The following MARCHF1 variants were observed in gnomAD, a reference collection of about 807,000 sequenced individuals.
MARCHF1 encodes E3 ubiquitin-protein ligase MARCHF1.
Under a neutral mutation model 54.2 loss-of-function variants are expected in MARCHF1, and 40 were observed. The ratio of observed to expected loss-of-function variants is 0.74; its 90% CI spans 0.57 to 0.96. MARCHF1 has a LOEUF of 0.96. Among genes scored for constraint, MARCHF1 ranks in the 40% least tolerant of loss-of-function variants. The probability of loss-of-function intolerance (pLI) is 0.00; values close to 1 mark genes in which losing one functional copy is unlikely to be tolerated. For missense variants in MARCHF1, 586 were observed against 656.5 expected (o/e 0.89, Z 1.17); for synonymous variants, 236 against 236.3 (o/e 1.00, Z 0.01).
intron 4 of MARCHF1, among the ~76,000 whole-genome samples, chr4:163,715,104 G>A (rs114178158): frequency 0.011 from 1,628 of 152,246 alleles, 25 homozygotes; most frequent in African/African-American, 0.037. Context: ...AATGGATTTT[G>A]GTCATAGTAT....
intron 4 of MARCHF1, among the ~76,000 whole-genome samples, chr4:163,793,920 C>A (rs940839813): frequency 1.3e-5 from 2 of 152,186 alleles, no homozygotes; most frequent in Non-Finnish European, 2.9e-5. Flanking sequence ...AGACGTGAGT[C>A]TTGCCGAAGC....
At chr4:163,647,072 T>G (rs115845368) in intron 5 of MARCHF1, among the ~76,000 whole-genome samples, 2,523 of 152,156 alleles carry the variant, frequency 0.017, 78 homozygotes, top group African/African-American at 0.053. Context: ...GGAAAAGATA[T>G]TCCATGCAAA....
At chr4:164,011,921 G>T (rs1035409481) in intron 2 of MARCHF1, among the ~76,000 whole-genome samples, 2 of 152,116 alleles carry the variant, frequency 1.3e-5, no homozygotes. Flanking sequence ...GGAGAGCAAA[G>T]TGAGTGTGGA....
At chr4:163,981,447 C>A (rs928498800) in intron 3 of MARCHF1, among the ~76,000 whole-genome samples, 1 of 152,190 alleles carries the variant, frequency 6.6e-6, no homozygotes, top group Non-Finnish European at 1.5e-5. Flanking sequence ...ATCCTATCAC[C>A]AGTTCTACCC....
At chr4:164,131,204 C>T (rs1207812613) in intron 1 of MARCHF1, among the ~76,000 whole-genome samples, 2 of 152,066 alleles carry the variant, frequency 1.3e-5, no homozygotes, top group African/African-American at 4.8e-5. Context: ...GAGAGATGAA[C>T]TCAACTGGGA....
intron 3 of MARCHF1, chr4:163,932,434 TAA>T: frequency 2.6e-6 from 1 of 387,870 alleles, no homozygotes; most frequent in Non-Finnish European, 5.1e-6. Context: ...TGTAATATTC[TAA>T]ATCCTTTGTT....
rs375853031 is a variant in MARCHF1 at position 164,021,867 on chromosome 4, T to TTATATATA, written c.-247-33166_-247-33159dup. On this transcript the variant is annotated intron_variant, in intron 2 of 9. Coordinates refer to ENST00000514618, the MANE Select transcript of MARCHF1 (RefSeq NM_001394959.1). ...GAACCTCCATGTCAAAAAAAAAAAA[T>TTATATATA]TATATATATATATATATGGTCCATT... Among the ~76,000 whole-genome samples, 955 of 147,000 alleles carry TTATATATA rather than the reference T, an allele frequency of 6.5e-3. 5 individuals are homozygous for TTATATATA. The highest frequency in any genetic ancestry group is 0.017 in the African/African-American group (674 of 40,304).
At chr4:164,208,113 G>A (rs1045124271) in intron 1 of MARCHF1, among the ~76,000 whole-genome samples, 3 of 152,172 alleles carry the variant, frequency 2.0e-5, no homozygotes, top group African/African-American at 7.2e-5. Context: ...ATGTCAAGGA[G>A]CTCTGTGTCA....
intron 1 of MARCHF1, among the ~76,000 whole-genome samples, chr4:164,340,916 C>CAA (rs35543676): frequency 0.025 from 2,390 of 96,276 alleles, 96 homozygotes; most frequent in East Asian, 0.17. Context: ...GAGGGCACTA[C>CAA]AAAAAAAAAA....
intron 4 of MARCHF1, among the ~76,000 whole-genome samples, chr4:163,719,669 T>C (rs1745380958): frequency 6.6e-6 from 1 of 151,646 alleles, no homozygotes; most frequent in Admixed American, 6.6e-5. Flanking sequence ...TGTTCCTATT[T>C]CTCCATATCC....
chr4:163,657,257 C>T (rs1743181160), intron 5 of MARCHF1, among the ~76,000 whole-genome samples: 1 of 151,950 alleles, frequency 6.6e-6, no homozygotes, highest in Non-Finnish European at 1.5e-5. Context: ...CATTACTATA[C>T]ACCAACAAGA....
At chr4:163,933,435 T>C (rs1485131615) in intron 3 of MARCHF1, among the ~76,000 whole-genome samples, 1 of 152,228 alleles carries the variant, frequency 6.6e-6, no homozygotes, top group African/African-American at 2.4e-5. Flanking sequence ...TTGGCCTTCC[T>C]AGTGTGTAGT....
At chr4:163,999,044 G>A (rs995543701) in intron 2 of MARCHF1, among the ~76,000 whole-genome samples, 4 of 151,498 alleles carry the variant, frequency 2.6e-5, no homozygotes, top group Non-Finnish European at 5.9e-5. Flanking sequence ...TCCTAGGACT[G>A]CACTAATTTA....
intron 1 of MARCHF1, among the ~76,000 whole-genome samples, chr4:164,351,091 T>A (rs370262772): frequency 1.5e-3 from 232 of 152,284 alleles, no homozygotes; most frequent in Non-Finnish European, 2.8e-3. Flanking sequence ...ATTATATCCC[T>A]CACCTGGCTC....
At chr4:164,065,656 C>A (rs1754711001) in intron 2 of MARCHF1, among the ~76,000 whole-genome samples, 1 of 152,126 alleles carries the variant, frequency 6.6e-6, no homozygotes, top group Admixed American at 6.5e-5. Context: ...GATAGGCCAT[C>A]TGTAAGCTGA....
intron 2 of MARCHF1, among the ~76,000 whole-genome samples, chr4:164,027,742 T>A (rs1044317520): frequency 2.0e-5 from 3 of 151,954 alleles, no homozygotes; most frequent in African/African-American, 7.2e-5. Flanking sequence ...AAACAAAAAT[T>A]AGTAAGTGAG....
chr4:164,055,666 A>G (rs1209027452), intron 2 of MARCHF1, among the ~76,000 whole-genome samples: 1 of 152,218 alleles, frequency 6.6e-6, no homozygotes, highest in Non-Finnish European at 1.5e-5. Flanking sequence ...ATTAAGTAGC[A>G]TGGATTAGGA....
At chr4:164,350,747 T>G (rs2110881075) in intron 1 of MARCHF1, among the ~76,000 whole-genome samples, 1 of 152,262 alleles carries the variant, frequency 6.6e-6, no homozygotes, top group South Asian at 2.1e-4. Flanking sequence ...AATAGTATTG[T>G]TGGGAGGAGG....
chr4:163,845,488 CA>C (rs1199420701), intron 4 of MARCHF1, among the ~76,000 whole-genome samples: 267 of 151,874 alleles, frequency 1.8e-3, no homozygotes, highest in Middle Eastern at 0.017. Context: ...CACACACACA[CA>C]CACACACACA....
Sources: allele counts gnomAD v4.1 joint callset (sites outside exome capture counted in the v4.1 genomes callset), GRCh38; gene constraint gnomAD v4.1.1; transcripts MANE v1.5; gene names NCBI Gene and HGNC (gene_info 2026-07-23, HGNC 2026-07-21).